The following DGKB variants were observed in gnomAD, a reference collection of about 807,000 sequenced individuals.
DGKB encodes the protein 90 kDa diacylglycerol kinase.
In DGKB, 67 loss-of-function variants were observed where a neutral mutation model predicts 114.3. That is an observed-to-expected ratio of 0.59 (90% CI 0.48 to 0.72). DGKB has a LOEUF of 0.72. Ranked by LOEUF, DGKB falls within the 30% of genes least tolerant of loss-of-function variation. DGKB has a pLI of 0.00. For missense variants in DGKB, 907 were observed against 975.2 expected, an observed-to-expected ratio of 0.93 and a Z score of 0.93; for synonymous variants, 398 against 323.1, an observed-to-expected ratio of 1.23 and a Z score of -2.49.
chr7:14,754,153 C>T (rs1233037075), intron 3 of DGKB, among the ~76,000 whole-genome samples: 1 of 151,990 alleles, frequency 6.6e-6, no homozygotes, highest in Non-Finnish European at 1.5e-5. Flanking sequence ...AATTCTTGAC[C>T]CCCACCTCAG....
intron 23 of DGKB, among the ~76,000 whole-genome samples, chr7:14,182,354 T>C (rs115096862): frequency 0.018 from 2,663 of 152,104 alleles, 77 homozygotes; most frequent in African/African-American, 0.061. Context: ...AAATCAAAAT[T>C]TCTAACAGCA....
At chr7:14,647,536 A>G (rs918276431) in intron 13 of DGKB, among the ~76,000 whole-genome samples, 4 of 152,204 alleles carry the variant, frequency 2.6e-5, no homozygotes, top group African/African-American at 9.6e-5. Flanking sequence ...ACAACAACAA[A>G]CTACAGGCCA....
intron 5 of DGKB, among the ~76,000 whole-genome samples, chr7:14,724,070 T>A (rs1278916310): frequency 6.6e-6 from 1 of 152,198 alleles, no homozygotes; most frequent in Non-Finnish European, 1.5e-5. Flanking sequence ...TATTTCTTAA[T>A]GAAATAGTCA....
At chr7:14,806,393 G>C (rs564944696) in intron 2 of DGKB, among the ~76,000 whole-genome samples, 2 of 151,966 alleles carry the variant, frequency 1.3e-5, no homozygotes, top group African/African-American at 4.8e-5. Flanking sequence ...TCTTGTATAC[G>C]TATAAATTAA....
At position 14,792,819 on chromosome 7, in the gene DGKB, C is replaced by G. The variant is rs538537642; in HGVS notation, c.71-35088G>C. Among the ~76,000 whole-genome samples, 14 of 152,194 alleles carry G rather than the reference C, an allele frequency of 9.2e-5. No individual in the cohort carries two copies. In the East Asian group the frequency reaches 2.3e-3, roughly 25 times the overall value. Reference sequence around the variant, plus strand: ...ATTCAAATACTTCCATTTCAATCCACTTGAAGAAATGTATCTCATAATACT... The same window carrying G: ...ATTCAAATACTTCCATTTCAATCCAGTTGAAGAAATGTATCTCATAATACT... On this transcript the variant is annotated intron_variant, in intron 2 of 25. Transcript: ENST00000402815.
chr7:14,947,978 G>C (rs36887), intron 1 of DGKB, among the ~76,000 whole-genome samples: 84,099 of 151,534 alleles, frequency 0.55, 25,566 homozygotes, highest in East Asian at 0.91. Context: ...GACATTCACT[G>C]AACCAACACA....
intron 1 of DGKB, among the ~76,000 whole-genome samples, chr7:14,852,487 C>CAAAAAAAAAAAAAAAAAAAACAAAAA: frequency 1.4e-4 from 9 of 63,634 alleles, no homozygotes; most frequent in African/African-American, 6.1e-4. Context: ...TAGTGAAAGT[C>CAAAAAAAAAAAAAAAAAAAACAAAAA]AAAAAAAAAA....
At chr7:14,328,249 G>A (rs889171841) in intron 23 of DGKB, among the ~76,000 whole-genome samples, 4 of 151,988 alleles carry the variant, frequency 2.6e-5, no homozygotes, top group East Asian at 1.9e-4. Flanking sequence ...TTAATTATCC[G>A]AAGAGACATA....
At chr7:14,369,879 T>G (rs1269860049) in intron 21 of DGKB, among the ~76,000 whole-genome samples, 1 of 152,100 alleles carries the variant, frequency 6.6e-6, no homozygotes, top group Middle Eastern at 3.4e-3. Context: ...ATTATGTAAA[T>G]GCACACATAT....
chr7:14,960,169 T>A (rs184163635), intron 1 of DGKB, among the ~76,000 whole-genome samples: 3 of 152,220 alleles, frequency 2.0e-5, no homozygotes, highest in Admixed American at 2.0e-4. Flanking sequence ...TATTTATACA[T>A]TTTGAAGATC....
At chr7:14,591,243 C>T (rs146308894) in intron 17 of DGKB, among the ~76,000 whole-genome samples, 434 of 152,182 alleles carry the variant, frequency 2.9e-3, no homozygotes, top group African/African-American at 8.3e-3. Context: ...TCTGGGGAAA[C>T]TTTTGTACTG....
chr7:14,742,377 A>T (rs539236580), intron 4 of DGKB, among the ~76,000 whole-genome samples: 7 of 152,370 alleles, frequency 4.6e-5, no homozygotes, highest in African/African-American at 1.4e-4. Context: ...AAGAAAAATA[A>T]GCATTAGATC....
intron 23 of DGKB, among the ~76,000 whole-genome samples, chr7:14,268,585 G>C (rs1193710734): frequency 6.6e-6 from 1 of 152,082 alleles, no homozygotes; most frequent in East Asian, 1.9e-4. Flanking sequence ...TGAGATTAGT[G>C]CAATTTAAGA....
chr7:14,775,486 C>G (rs1464482551), intron 2 of DGKB, among the ~76,000 whole-genome samples: 1 of 148,002 alleles, frequency 6.8e-6, no homozygotes, highest in Non-Finnish European at 1.5e-5. Flanking sequence ...ACTGCAATTA[C>G]TTTTGCACCA....
At chr7:14,813,877 G>C (rs116782204) in intron 2 of DGKB, among the ~76,000 whole-genome samples, 1 of 151,974 alleles carries the variant, frequency 6.6e-6, no homozygotes, top group South Asian at 2.1e-4. Flanking sequence ...TTATTTGCTT[G>C]TGTTTTTATA....
chr7:14,291,039 G>A (rs1188922713), intron 23 of DGKB, among the ~76,000 whole-genome samples: 1 of 151,648 alleles, frequency 6.6e-6, no homozygotes, highest in African/African-American at 2.4e-5. Context: ...CTACTTGGGA[G>A]GCTGAGGCAG....
intron 9 of DGKB, among the ~76,000 whole-genome samples, chr7:14,688,082 G>A (rs1314894392): frequency 2.0e-5 from 3 of 152,150 alleles, no homozygotes; most frequent in Non-Finnish European, 4.4e-5. Flanking sequence ...TCTCAGCAGT[G>A]CAAATTATAC....
intron 21 of DGKB, among the ~76,000 whole-genome samples, chr7:14,461,140 A>G (rs868285325): frequency 1.3e-5 from 2 of 152,196 alleles, no homozygotes; most frequent in East Asian, 3.9e-4. Context: ...TGCCCACAGG[A>G]AAGAGCAGGA....
At chr7:14,771,370 C>T (rs35798503) in intron 2 of DGKB, among the ~76,000 whole-genome samples, 34,823 of 151,990 alleles carry the variant, frequency 0.23, 5,096 homozygotes, top group Non-Finnish European at 0.33. Flanking sequence ...AGTTTGTCTG[C>T]ATCTCGTTAT....
Sources: gnomAD v4.1 joint callset for allele counts (sites outside exome capture counted in the v4.1 genomes callset) on GRCh38, gnomAD v4.1.1 for gene constraint, MANE v1.5 for transcripts, NCBI Gene and HGNC (gene_info 2026-07-23, HGNC 2026-07-21) for gene names.